CCDC88A: variants seen among roughly 807,000 people sequenced by gnomAD.
CCDC88A encodes the protein girdin.
In CCDC88A, 54 loss-of-function variants were observed where a neutral mutation model predicts 234.3. The ratio of observed to expected loss-of-function variants is 0.23; its 90% CI spans 0.19 to 0.29. The LOEUF (loss-of-function observed/expected upper bound fraction) is 0.29, where lower values mean the gene tolerates loss of function less well. Among genes scored for constraint, CCDC88A ranks in the 10% least tolerant of loss-of-function variants. CCDC88A has a pLI of 1.00. For missense variants in CCDC88A, 1,832 were observed against 2,123.4 expected, an observed-to-expected ratio of 0.86 and a Z score of 2.70; for synonymous variants, 753 against 737.8, an observed-to-expected ratio of 1.02 and a Z score of -0.33.
chr2:55,403,834 G>C (rs75374060), intron 2 of CCDC88A: 12 of 152,174 alleles, frequency 7.9e-5, no homozygotes, highest in Non-Finnish European at 1.0e-4. Flanking sequence ...TTGTTTAATA[G>C]ATTCAATGGA....
At chr2:55,292,379 T>C (rs1679527565) in intron 31 of CCDC88A, 1 of 152,204 alleles carries the variant, frequency 6.6e-6, no homozygotes, top group Non-Finnish European at 1.5e-5. Flanking sequence ...AGGAAATAAG[T>C]GCAATTGCTC....
In CCDC88A at chr2:55,344,523, GT is replaced by G; in HGVS notation, c.1042-10del. On this transcript the variant is annotated splice_polypyrimidine_tract_variant and intron_variant, in intron 10 of 32. Transcript: ENST00000436346. ...TTGTCTTCTTTTAATTCCTATAAAT[GT>G]TTATCACAAATGTGTTAATATCTGT... 6.9e-7 allele frequency: 1 copy of G among 1,442,810 alleles called. No homozygotes were observed. Among genetic ancestry groups the G allele is most frequent in the Non-Finnish European group, 9.4e-7 (1 of 1,060,314 alleles). 89.4% of individuals were successfully genotyped at this position (1,442,810 alleles called of 1,614,324 possible).
At chr2:55,310,124 G>A (rs1005529668) in intron 23 of CCDC88A, among the ~76,000 whole-genome samples, 11 of 152,188 alleles carry the variant, frequency 7.2e-5, no homozygotes, top group Non-Finnish European at 4.4e-5. Context: ...GCTAAGTTAT[G>A]TTTAGCTTGA....
In CCDC88A at chr2:55,309,523, T is replaced by G. The variant is rs1682055017; in HGVS notation, c.4080-269A>C. Among the ~76,000 whole-genome samples, 1 of 152,204 alleles carries G rather than the reference T, an allele frequency of 6.6e-6. No homozygotes were observed. The highest frequency in any genetic ancestry group is 2.4e-5 in the African/African-American group (1 of 41,462). On this transcript the variant is annotated intron_variant, in intron 23 of 32. Transcript: ENST00000436346. This position sits in a 1 kb window ranked among gnomAD's most constrained non-coding sequence, Gnocchi z 5.1. ...CAAAAAATTAAAACATTGTTTAGTTTGCTTACAATTATAGATATAATAAAT... is the reference window on the plus strand; with the variant it reads ...CAAAAAATTAAAACATTGTTTAGTTGGCTTACAATTATAGATATAATAAAT...
chr2:55,374,139 C>T (rs1446869994), intron 4 of CCDC88A, among the ~76,000 whole-genome samples: 4 of 152,070 alleles, frequency 2.6e-5, no homozygotes, highest in Non-Finnish European at 4.4e-5. Context: ...TTTGGGAGGC[C>T]GAGGCGGGCA....
intron 28 of CCDC88A, 99 bp downstream of exon 28, chr2:55,301,107 G>A (rs772571397): frequency 1.4e-6 from 1 of 708,898 alleles, no homozygotes; most frequent in Non-Finnish European, 2.5e-6. Flanking sequence ...GAGAAAACAT[G>A]CTTGCTGGCA....
chr2:55,393,643 AACTTAGTTT>A (rs1677064923), intron 2 of CCDC88A, among the ~76,000 whole-genome samples: 1 of 152,074 alleles, frequency 6.6e-6, no homozygotes, highest in Non-Finnish European at 1.5e-5. Flanking sequence ...CACCTTTCAA[AACTTAGTTT>A]ACTCAGTTCA....
chr2:55,362,196 T>A (rs1671413074), intron 7 of CCDC88A, 112 bp downstream of exon 7: 1 of 794,990 alleles, frequency 1.3e-6, no homozygotes, highest in Non-Finnish European at 1.9e-6. Context: ...AAAAAGACAC[T>A]CCTGTATCAC....
intron 28 of CCDC88A, chr2:55,300,356 T>TA (rs1236367859): frequency 1.9e-5 from 3 of 160,452 alleles, no homozygotes; most frequent in African/African-American, 7.2e-5. Flanking sequence ...GTAACAAGGG[T>TA]AACAACTGTA....
chr2:55,403,210 C>T (rs1679007764), intron 2 of CCDC88A, among the ~76,000 whole-genome samples: 1 of 152,176 alleles, frequency 6.6e-6, no homozygotes, highest in African/African-American at 2.4e-5. Context: ...GTATTAACAA[C>T]CAGTTTGTCT....
At chr2:55,353,943 T>C (rs1395822601) in intron 8 of CCDC88A, among the ~76,000 whole-genome samples, 1 of 152,168 alleles carries the variant, frequency 6.6e-6, no homozygotes, top group Non-Finnish European at 1.5e-5. Context: ...ATATAGTACT[T>C]ACACAAATCT....
chr2:55,327,320 T>C (rs532436550), intron 17 of CCDC88A, among the ~76,000 whole-genome samples: 6 of 152,302 alleles, frequency 3.9e-5, no homozygotes, highest in African/African-American at 1.4e-4. Flanking sequence ...ATCTCTGAAC[T>C]TCTCTGAGTA....
At chr2:55,304,921 CTT>C (rs1574028471) in intron 25 of CCDC88A, among the ~76,000 whole-genome samples, 2 of 152,192 alleles carry the variant, frequency 1.3e-5, no homozygotes, top group East Asian at 1.9e-4. Context: ...AATCACAGCT[CTT>C]TTGACAAACT....
chr2:55,403,018 A>C (rs1206062115), intron 2 of CCDC88A, among the ~76,000 whole-genome samples: 5 of 152,134 alleles, frequency 3.3e-5, no homozygotes, highest in Non-Finnish European at 7.4e-5. Context: ...AAAAAAAAAA[A>C]ACCACATTCA....
chr2:55,302,159 G>T, intron 26 of CCDC88A, 87 bp from the exon 27 acceptor site: 1 of 1,032,014 alleles, frequency 9.7e-7, no homozygotes, highest in Non-Finnish European at 1.5e-6. Flanking sequence ...TGTGGTTTTT[G>T]TCTATGAATT....
chr2:55,315,310 GAGA>G (rs1682850151), intron 22 of CCDC88A: 1 of 152,202 alleles, frequency 6.6e-6, no homozygotes, highest in African/African-American at 2.4e-5. Flanking sequence ...ACCAGGGAAG[GAGA>G]AGAGGAATGG....
At position 55,335,087 on chromosome 2, in the gene CCDC88A, T is replaced by C. The variant is rs775426363; in HGVS notation, c.1734A>G (p.Ala578=). 1 of 1,605,656 alleles carries C rather than the reference T, an allele frequency of 6.2e-7. No individual in the cohort carries two copies. The highest frequency in any genetic ancestry group is 8.5e-7 in the Non-Finnish European group (1 of 1,177,002). The change falls in exon 15 of 33, where the codon GCA becomes GCG. Residue 578 remains alanine, a synonymous_variant. Coordinates refer to ENST00000436346, the MANE Select transcript of CCDC88A (RefSeq NM_001365480.1). The surrounding 1 kb of genome is among the most constrained non-coding windows in gnomAD (Gnocchi z 4.5). ...SSLRQRSQIS[A]EARVKDIEKE... The stretch of plus-strand genomic sequence containing the variant: ...TTTCAATGTCTTTCACTCTTGCTTC[T>C]GCACTTATCTGGGACCGCTGCCTTA...
intron 2 of CCDC88A, among the ~76,000 whole-genome samples, chr2:55,400,867 A>G (rs1490343369): frequency 6.6e-6 from 1 of 152,184 alleles, no homozygotes; most frequent in African/African-American, 2.4e-5. Flanking sequence ...TGGTCTTTTA[A>G]TAAATTTTTG....
At chr2:55,330,056 C>T (rs7600339) in intron 16 of CCDC88A, 44,781 of 151,968 alleles carry the variant, frequency 0.29, 6,941 homozygotes, top group East Asian at 0.54. Context: ...CCACCGTGCC[C>T]GGCCTACTAA....
Sources: allele counts gnomAD v4.1 joint callset (sites outside exome capture counted in the v4.1 genomes callset), GRCh38; gene constraint gnomAD v4.1.1; non-coding constraint Gnocchi (gnomAD v3.1); transcripts MANE v1.5; gene names NCBI Gene and HGNC (gene_info 2026-07-23, HGNC 2026-07-21).